The following PDE4D variants were observed in gnomAD, a reference collection of about 807,000 sequenced individuals.
PDE4D encodes the protein phosphodiesterase 4D, also known as 3',5'-cyclic-AMP phosphodiesterase 4D.
Under a neutral mutation model 87.4 loss-of-function variants are expected in PDE4D, and 24 were observed. That is an observed-to-expected ratio of 0.27 (90% CI 0.20 to 0.39). The LOEUF (loss-of-function observed/expected upper bound fraction) is 0.39, where lower values mean the gene tolerates loss of function less well. Among genes scored for constraint, PDE4D ranks in the 10% least tolerant of loss-of-function variants. The pLI is 1.00. For synonymous variants in PDE4D, 384 were observed against 383.2 expected, an observed-to-expected ratio of 1.00 and a Z score of -0.02; for missense variants, 714 against 1,041.0, an observed-to-expected ratio of 0.69 and a Z score of 4.32.
At chr5:59,268,563 C>A (rs10038855) in intron 1 of PDE4D, among the ~76,000 whole-genome samples, 8,840 of 151,910 alleles carry the variant, frequency 0.058, 388 homozygotes, top group African/African-American at 0.13. Context: ...TTACTTCTGT[C>A]CATTTTCTAA....
chr5:60,062,344 A>G (rs988364155), intron 2 of PDE4D, among the ~76,000 whole-genome samples: 1 of 152,204 alleles, frequency 6.6e-6, no homozygotes, highest in Non-Finnish European at 1.5e-5. Flanking sequence ...AAGAAATGCA[A>G]ATCAAAACCA....
intron 6 of PDE4D, among the ~76,000 whole-genome samples, chr5:59,021,200 T>C (rs1755094675): frequency 6.6e-6 from 1 of 152,162 alleles, no homozygotes; most frequent in African/African-American, 2.4e-5. Context: ...TCAACTTCAA[T>C]AAGAGTCTTT....
At chr5:59,577,287 TA>T (rs986994797) in intron 1 of PDE4D, among the ~76,000 whole-genome samples, 1 of 152,048 alleles carries the variant, frequency 6.6e-6, no homozygotes, top group Non-Finnish European at 1.5e-5. Flanking sequence ...CATTTAAAGT[TA>T]GGTTTTGTGG....
chr5:59,866,058 T>C (rs1000926680), intron 1 of PDE4D, among the ~76,000 whole-genome samples: 4 of 152,248 alleles, frequency 2.6e-5, no homozygotes, highest in Non-Finnish European at 5.9e-5. Flanking sequence ...ATTAAGTATA[T>C]GAGTAAGAAA....
At chr5:59,586,228 T>A in intron 1 of PDE4D, 1 of 859,600 alleles carries the variant, frequency 1.2e-6, no homozygotes. Context: ...CATTCTCACT[T>A]GATACCAATA....
At chr5:60,212,143 T>C (rs1000728982) in intron 1 of PDE4D, among the ~76,000 whole-genome samples, 66 of 151,924 alleles carry the variant, frequency 4.3e-4, no homozygotes, top group Non-Finnish European at 7.4e-4. Flanking sequence ...AAATTCATAG[T>C]AGCTCTTTGT....
At chr5:60,313,148 T>C (rs1009577282) in intron 1 of PDE4D, among the ~76,000 whole-genome samples, 1 of 151,892 alleles carries the variant, frequency 6.6e-6, no homozygotes, top group African/African-American at 2.4e-5. Context: ...GAGTTGGTTT[T>C]TTGAAAGAAT....
Position 59,241,742 on chromosome 5 carries a change from AT to A in PDE4D, c.456-25775del, listed in dbSNP as rs1481902054. On this transcript the variant is annotated intron_variant, in intron 1 of 14. Transcript: ENST00000340635. ...CATTTAAGAGGGCTTTTCTCTGGGG[AT>A]TTTACACATATTTTGCTGATGTTGT... 2.0e-5 allele frequency among the ~76,000 whole-genome samples: 3 copies of A among 152,198 alleles called. No homozygotes were observed. The East Asian group carries it at 5.8e-4, about 29-fold the overall frequency.
chr5:59,739,247 C>G lies in PDE4D; in HGVS notation c.455+153921G>C, dbSNP rs112508011. Among the ~76,000 whole-genome samples the G allele has an allele frequency of 2.7e-3, 416 of 152,140 alleles. 2 individuals carry two copies. Among genetic ancestry groups the G allele is most frequent in the African/African-American group, 9.5e-3 (394 of 41,520 alleles). Reference sequence around the variant, plus strand: ...CTGACCTACGCAATATGGTGAAACCCCATTTTTACTAAAAATACAAAAATT... The same window carrying G: ...CTGACCTACGCAATATGGTGAAACCGCATTTTTACTAAAAATACAAAAATT... On this transcript the variant is annotated intron_variant, in intron 1 of 14. Transcript: ENST00000340635.
intron 2 of PDE4D, among the ~76,000 whole-genome samples, chr5:60,059,401 T>G (rs1771151236): frequency 6.6e-6 from 1 of 151,990 alleles, no homozygotes; most frequent in Admixed American, 6.6e-5. Flanking sequence ...TCATATGTAT[T>G]TACAATCTTT....
chr5:60,175,334 A>G (rs900932432), intron 2 of PDE4D, among the ~76,000 whole-genome samples: 7 of 152,132 alleles, frequency 4.6e-5, no homozygotes, highest in Admixed American at 1.3e-4. Flanking sequence ...CATGTGGTCA[A>G]CCTTTTCCTT....
At chr5:59,476,548 C>A (rs905572970) in intron 1 of PDE4D, among the ~76,000 whole-genome samples, 1 of 152,054 alleles carries the variant, frequency 6.6e-6, no homozygotes, top group Non-Finnish European at 1.5e-5. Context: ...TGCATGTGTT[C>A]AAATTTACTC....
intron 1 of PDE4D, among the ~76,000 whole-genome samples, chr5:59,598,164 T>A (rs377430731): frequency 6.6e-6 from 1 of 152,184 alleles, no homozygotes; most frequent in East Asian, 1.9e-4. Context: ...GGGAATATAA[T>A]GTGATTTTAT....
At chr5:60,219,983 T>C (rs1005162593) in intron 1 of PDE4D, among the ~76,000 whole-genome samples, 15 of 152,198 alleles carry the variant, frequency 9.9e-5, no homozygotes, top group Non-Finnish European at 2.1e-4. Flanking sequence ...AAGGCAAAGT[T>C]TGCATATTGG....
chr5:60,102,389 T>C (rs1230957242), intron 2 of PDE4D, among the ~76,000 whole-genome samples: 1 of 152,096 alleles, frequency 6.6e-6, no homozygotes, highest in African/African-American at 2.4e-5. Context: ...GAAGAAGAAA[T>C]CTTTCAAACA....
At chr5:59,286,548 A>G (rs1052443463) in intron 1 of PDE4D, among the ~76,000 whole-genome samples, 2 of 152,222 alleles carry the variant, frequency 1.3e-5, no homozygotes, top group Non-Finnish European at 2.9e-5. Flanking sequence ...ATTACTCTGG[A>G]CATGGTTTTT....
chr5:60,292,574 GC>G (rs1752986337), intron 1 of PDE4D, among the ~76,000 whole-genome samples: 1 of 152,174 alleles, frequency 6.6e-6, no homozygotes, highest in African/African-American at 2.4e-5. Context: ...TCTACTGAAT[GC>G]TTTAATTAAT....
At chr5:59,510,790 G>A (rs1810164597) in intron 1 of PDE4D, among the ~76,000 whole-genome samples, 1 of 151,930 alleles carries the variant, frequency 6.6e-6, no homozygotes, top group African/African-American at 2.4e-5. Flanking sequence ...TTAGTTAAGT[G>A]AAGCAAAAGG....
chr5:59,644,208 T>C (rs6863462), intron 1 of PDE4D, among the ~76,000 whole-genome samples: 54,765 of 151,984 alleles, frequency 0.36, 10,277 homozygotes, highest in Non-Finnish European at 0.39. Context: ...GTGGGAAAAA[T>C]GTATCTATAT....
Sources: allele counts gnomAD v4.1 joint callset (sites outside exome capture counted in the v4.1 genomes callset), GRCh38; gene constraint gnomAD v4.1.1; transcripts MANE v1.5; gene names NCBI Gene and HGNC (gene_info 2026-07-23, HGNC 2026-07-21).